Variants in AGPAT3 observed in about 807,000 individuals in gnomAD.
AGPAT3 encodes the protein 1-acyl-sn-glycerol-3-phosphate acyltransferase gamma.
A neutral mutation model predicts 47.3 loss-of-function variants in AGPAT3; 5 were observed. The observed-to-expected ratio is 0.11, with a 90% CI of 0.06 to 0.22. The LOEUF is 0.22. Among genes scored for constraint, AGPAT3 ranks in the 10% least tolerant of loss-of-function variants. The pLI, the probability that AGPAT3 is intolerant of heterozygous loss-of-function variation, is 1.00. For missense variants in AGPAT3, 315 were observed against 493.0 expected (o/e 0.64, Z 3.42); for synonymous variants, 212 against 208.3 (o/e 1.02, Z -0.15).
chr21:43,917,084 C>T (rs149000135), intron 2 of AGPAT3, among the ~76,000 whole-genome samples: 26 of 152,318 alleles, frequency 1.7e-4, no homozygotes, highest in Non-Finnish European at 2.9e-4. Context: ...GGGCACCCTG[C>T]GGGCAAGTGA....
intron 1 of AGPAT3, among the ~76,000 whole-genome samples, chr21:43,873,087 GA>G (rs1159616299): frequency 6.6e-6 from 1 of 152,238 alleles, no homozygotes; most frequent in Non-Finnish European, 1.5e-5. Context: ...GCTGCTTTGG[GA>G]ATGGCAGGAG....
rs139317951 is a variant in AGPAT3, at chr21:43,971,389, C to T, written c.666C>T (p.Val222=). The change falls in exon 7 of 10, where the codon GTC becomes GTT. Residue 222 remains valine (V), a splice_region_variant and synonymous_variant. Transcript: ENST00000291572. ...TTAVKCLRGT[V]AAVYDVTLNF... ...TCACCCTCCCGTCTCCTCCCACAGT[C>T]GCAGCTGTCTATGATGTAACCCTGA... 2.0e-4 allele frequency: 321 copies of T among 1,614,024 alleles called. No individual in the cohort carries two copies. Among genetic ancestry groups the T allele is most frequent in the Non-Finnish European group, 2.3e-4 (272 of 1,179,884 alleles).
At chr21:43,979,002 AAAT>A (rs1396568406) in intron 8 of AGPAT3, among the ~76,000 whole-genome samples, 6 of 152,170 alleles carry the variant, frequency 3.9e-5, no homozygotes, top group Non-Finnish European at 8.8e-5. Context: ...GCTCTCAAGA[AAAT>A]AAGGGAAATC....
chr21:43,974,592 G>A (rs1378239123), intron 7 of AGPAT3, among the ~76,000 whole-genome samples: 2 of 150,484 alleles, frequency 1.3e-5, no homozygotes, highest in African/African-American at 4.9e-5. Context: ...TCGTGAGGGT[G>A]GTGTGTGTGT....
At chr21:43,897,984 A>T (rs1384311664) in intron 1 of AGPAT3, among the ~76,000 whole-genome samples, 1 of 152,178 alleles carries the variant, frequency 6.6e-6, no homozygotes, top group Admixed American at 6.5e-5. Context: ...TACAAAAACC[A>T]GTCAGGCATG....
intron 1 of AGPAT3, among the ~76,000 whole-genome samples, chr21:43,884,424 TGCGGAGCATG>T (rs900953730): frequency 9.2e-5 from 14 of 152,228 alleles, no homozygotes; most frequent in Non-Finnish European, 1.8e-4. Flanking sequence ...TTTTCTGCTG[TGCGGAGCATG>T]GCCCTTTCCT....
intron 2 of AGPAT3, among the ~76,000 whole-genome samples, chr21:43,907,421 C>G (rs2086526215): frequency 6.6e-6 from 1 of 152,026 alleles, no homozygotes; most frequent in African/African-American, 2.4e-5. Context: ...AAAAGTTTCC[C>G]ATAAAACTGT....
chr21:43,900,645 A>G (rs1188142692), intron 1 of AGPAT3, among the ~76,000 whole-genome samples: 2 of 152,158 alleles, frequency 1.3e-5, no homozygotes, highest in Non-Finnish European at 2.9e-5. Context: ...AGAGCTGACC[A>G]CAGGTGGCAT....
intron 2 of AGPAT3, among the ~76,000 whole-genome samples, chr21:43,923,895 A>C (rs1353990348): frequency 6.6e-6 from 1 of 152,190 alleles, no homozygotes; most frequent in African/African-American, 2.4e-5. Flanking sequence ...TCCTTCCTGG[A>C]GGACGGCAGG....
intron 2 of AGPAT3, among the ~76,000 whole-genome samples, chr21:43,913,493 G>A (rs1010043028): frequency 8.5e-5 from 13 of 152,112 alleles, no homozygotes; most frequent in African/African-American, 3.1e-4. Flanking sequence ...GGCTGAGATG[G>A]GAGGATCACC....
intron 1 of AGPAT3, among the ~76,000 whole-genome samples, chr21:43,871,553 G>A (rs559770455): frequency 4.6e-5 from 7 of 152,286 alleles, no homozygotes; most frequent in East Asian, 1.9e-4. Flanking sequence ...CCACATACCC[G>A]TCAGCACTTG....
chr21:43,924,307 G>A (rs765696095), intron 2 of AGPAT3, among the ~76,000 whole-genome samples: 1 of 152,054 alleles, frequency 6.6e-6, no homozygotes, highest in Non-Finnish European at 1.5e-5. Context: ...TTACAGGCGT[G>A]AGCCATCGCG....
chr21:43,921,971 G>A (rs1456610755), intron 2 of AGPAT3, among the ~76,000 whole-genome samples: 3 of 152,160 alleles, frequency 2.0e-5, no homozygotes, highest in Non-Finnish European at 1.5e-5. Flanking sequence ...ATCAGTGTGA[G>A]TGTTGGGACA....
intron 1 of AGPAT3, among the ~76,000 whole-genome samples, chr21:43,889,862 G>A (rs2086063586): frequency 6.6e-6 from 1 of 152,208 alleles, no homozygotes; most frequent in Admixed American, 6.5e-5. Flanking sequence ...CTGCTTCGAC[G>A]TGAATGGCTG....
chr21:43,962,982 GT>G (rs1335084631), intron 3 of AGPAT3, among the ~76,000 whole-genome samples: 1 of 152,014 alleles, frequency 6.6e-6, no homozygotes, highest in Non-Finnish European at 1.5e-5. Context: ...TTACAGACAG[GT>G]TTTGTATCAG....
intron 1 of AGPAT3, among the ~76,000 whole-genome samples, chr21:43,873,255 T>C (rs1353823891): frequency 6.6e-6 from 1 of 152,140 alleles, no homozygotes; most frequent in Non-Finnish European, 1.5e-5. Flanking sequence ...CGTGCTACAT[T>C]CGCCATGGAA....
intron 2 of AGPAT3, among the ~76,000 whole-genome samples, chr21:43,923,327 G>C (rs1237050651): frequency 6.6e-6 from 1 of 152,224 alleles, no homozygotes; most frequent in East Asian, 1.9e-4. Context: ...CTGATGTCAG[G>C]ATCTATAGTT....
intron 1 of AGPAT3, among the ~76,000 whole-genome samples, chr21:43,869,932 T>C (rs1573475): frequency 1 from 152,234 of 152,354 alleles, 76,061 homozygotes; most frequent in Middle Eastern, 1. Flanking sequence ...ACTCAAACTA[T>C]TGGGCTCAAG....
chr21:43,947,373 C>T (rs1017343878), intron 2 of AGPAT3, among the ~76,000 whole-genome samples: 1 of 152,230 alleles, frequency 6.6e-6, no homozygotes, highest in African/African-American at 2.4e-5. Flanking sequence ...GGAGAGCGTG[C>T]AGCCGTGTGG....
Sources: allele counts gnomAD v4.1 joint callset (sites outside exome capture counted in the v4.1 genomes callset), GRCh38; gene constraint gnomAD v4.1.1; transcripts MANE v1.5; gene names NCBI Gene and HGNC (gene_info 2026-07-23, HGNC 2026-07-21).